The following SPIDR variants were observed in gnomAD, a reference collection of about 807,000 sequenced individuals.
SPIDR encodes DNA repair-scaffolding protein.
Under a neutral mutation model 104.6 loss-of-function variants are expected in SPIDR, and 93 were observed. That is an observed-to-expected ratio of 0.89 (90% CI 0.75 to 1.06). The LOEUF (loss-of-function observed/expected upper bound fraction) is 1.06. SPIDR is among the 50% of genes least tolerant of loss of function. SPIDR has a pLI of 0.00. For missense variants in SPIDR, 1,154 were observed against 1,111.2 expected (o/e 1.04, Z -0.55); for synonymous variants, 431 against 416.9 (o/e 1.03, Z -0.41).
chr8:47,664,828 C>G (rs1425479562), intron 10 of SPIDR, among the ~76,000 whole-genome samples: 1 of 148,902 alleles, frequency 6.7e-6, no homozygotes, highest in Non-Finnish European at 1.5e-5. Flanking sequence ...CCTGGGAGAT[C>G]GAGGCTGCAG....
At position 47,735,953 on chromosome 8, in the gene SPIDR, G is replaced by T. The variant is rs1191907931; in HGVS notation, c.*503G>T. 8.8e-6 allele frequency: 2 copies of T among 226,546 alleles called. No individual in the cohort carries two copies. The highest frequency in any genetic ancestry group is 1.8e-5 in the Non-Finnish European group (2 of 112,474). The allele number at this position is 226,546 out of a possible 1,614,324, so 14.0% of individuals were successfully genotyped here. A position where few individuals can be genotyped will look rare whatever the true frequency, so the allele number is the denominator to read the frequency against. The stretch of plus-strand genomic sequence containing the variant: ...ACTACTTTTGGGAAAATGTTCTAGG[G>T]AACTGTATCACAGGTGAAACTGTTA... On this transcript the variant is annotated 3_prime_UTR_variant, in exon 20 of 20. Transcript: ENST00000297423.
chr8:47,333,995 A>G (rs1057368120), intron 5 of SPIDR, among the ~76,000 whole-genome samples: 2 of 152,244 alleles, frequency 1.3e-5, no homozygotes, highest in Non-Finnish European at 2.9e-5. Context: ...ATTTTCATAT[A>G]GTTGAAAACG....
At chr8:47,411,141 A>G (rs1205706712) in intron 7 of SPIDR, among the ~76,000 whole-genome samples, 11 of 152,142 alleles carry the variant, frequency 7.2e-5, no homozygotes, top group South Asian at 2.1e-4. Flanking sequence ...TGTCTTTATA[A>G]CAGCATGATT....
chr8:47,710,805 G>A lies in SPIDR; in HGVS notation c.1978-1857G>A, dbSNP rs571163723. Among the ~76,000 whole-genome samples the A allele has an allele frequency of 1.3e-4, 19 of 150,924 alleles. No individual in the cohort carries two copies. In the South Asian group the frequency reaches 3.4e-3, roughly 27 times the overall value. Reference sequence around the variant, plus strand: ...TAATTTTTTTTTTCTTTGAGAAGGCGGTCTTGTTCTGTCATCCGGGCTGTA... The same window carrying A: ...TAATTTTTTTTTTCTTTGAGAAGGCAGTCTTGTTCTGTCATCCGGGCTGTA... On this transcript the variant is annotated intron_variant, in intron 14 of 19. Coordinates refer to ENST00000297423, the MANE Select transcript of SPIDR (RefSeq NM_001080394.4).
intron 8 of SPIDR, among the ~76,000 whole-genome samples, chr8:47,569,902 A>G (rs887289955): frequency 3.3e-5 from 5 of 152,232 alleles, no homozygotes; most frequent in Non-Finnish European, 7.3e-5. Flanking sequence ...ACCAAAAGGA[A>G]TAAAATACTT....
chr8:47,574,353 T>A (rs1352307292), intron 8 of SPIDR, among the ~76,000 whole-genome samples: 1 of 152,218 alleles, frequency 6.6e-6, no homozygotes, highest in Non-Finnish European at 1.5e-5. Context: ...TTTTTCCCTT[T>A]TTATTCTCAG....
intron 8 of SPIDR, among the ~76,000 whole-genome samples, chr8:47,451,040 A>G (rs1554705633): frequency 1.3e-5 from 2 of 152,184 alleles, no homozygotes; most frequent in East Asian, 3.9e-4. Flanking sequence ...ATATGGCCCA[A>G]TACAGGAAAA....
intron 7 of SPIDR, among the ~76,000 whole-genome samples, chr8:47,435,326 C>CTGTGTG (rs4021912): frequency 1.2e-3 from 178 of 146,450 alleles, no homozygotes; most frequent in African/African-American, 4.0e-3. Flanking sequence ...TTGCTCAGAT[C>CTGTGTG]TGTGTGTGTG....
At chr8:47,294,285 C>G (rs2040449669) in intron 5 of SPIDR, 1 of 396,160 alleles carries the variant, frequency 2.5e-6, no homozygotes, top group East Asian at 4.6e-5. Context: ...TTTTATCCTG[C>G]TATTCTTCCA....
chr8:47,556,667 A>G (rs1326694778), intron 8 of SPIDR, among the ~76,000 whole-genome samples: 1 of 152,112 alleles, frequency 6.6e-6, no homozygotes, highest in African/African-American at 2.4e-5. Flanking sequence ...TGGCACAATC[A>G]CGGCTTACTG....
intron 5 of SPIDR, among the ~76,000 whole-genome samples, chr8:47,301,722 A>G (rs1341340657): frequency 7.6e-6 from 1 of 132,166 alleles, no homozygotes; most frequent in Non-Finnish European, 1.6e-5. Context: ...TTGGCTGGAT[A>G]TGAAATTCTG....
At chr8:47,426,988 A>C (rs2066513203) in intron 7 of SPIDR, among the ~76,000 whole-genome samples, 2 of 152,230 alleles carry the variant, frequency 1.3e-5, no homozygotes, top group African/African-American at 2.4e-5. Flanking sequence ...GAAAGAAACA[A>C]AGCCTAAGAG....
At chr8:47,360,126 C>T (rs1345827178) in intron 5 of SPIDR, among the ~76,000 whole-genome samples, 3 of 151,328 alleles carry the variant, frequency 2.0e-5, no homozygotes, top group Non-Finnish European at 4.4e-5. Context: ...CCTGTAGTCC[C>T]AGCTACTCGG....
intron 8 of SPIDR, among the ~76,000 whole-genome samples, chr8:47,552,380 C>A (rs1477742306): frequency 2.0e-5 from 3 of 152,158 alleles, no homozygotes; most frequent in East Asian, 1.9e-4. Flanking sequence ...GTGTTAAAGT[C>A]TCCCATTATT....
intron 3 of SPIDR, among the ~76,000 whole-genome samples, chr8:47,286,652 C>T (rs1053926455): frequency 6.6e-6 from 1 of 152,150 alleles, no homozygotes; most frequent in Non-Finnish European, 1.5e-5. Flanking sequence ...TACTGTGGCT[C>T]ATGTCACAGA....
chr8:47,565,380 C>CTAAAG (rs2057659618), intron 8 of SPIDR, among the ~76,000 whole-genome samples: 1 of 152,092 alleles, frequency 6.6e-6, no homozygotes, highest in Admixed American at 6.5e-5. Flanking sequence ...ACACTGAGTT[C>CTAAAG]TAAAGTATAT....
upstream of SPIDR, chr8:47,260,923 C>T: frequency 2.5e-6 from 3 of 1,222,694 alleles, no homozygotes; most frequent in Non-Finnish European, 3.1e-6. Flanking sequence ...CGGCGGCGCG[C>T]TGAGGAGGCG....
At chr8:47,562,116 A>G (rs142082111) in intron 8 of SPIDR, among the ~76,000 whole-genome samples, 347 of 152,294 alleles carry the variant, frequency 2.3e-3, no homozygotes, top group African/African-American at 7.7e-3. Context: ...ATCCACTTAT[A>G]ATAATTTCAC....
chr8:47,443,334 C>G (rs972000517), intron 8 of SPIDR, among the ~76,000 whole-genome samples: 3 of 152,052 alleles, frequency 2.0e-5, no homozygotes, highest in Non-Finnish European at 4.4e-5. Flanking sequence ...GTTTAGGAGG[C>G]CAAGGCAGGT....
Sources: allele counts gnomAD v4.1 joint callset (sites outside exome capture counted in the v4.1 genomes callset), GRCh38; gene constraint gnomAD v4.1.1; transcripts MANE v1.5; gene names NCBI Gene and HGNC (gene_info 2026-07-23, HGNC 2026-07-21).